The following BAX variants were observed in gnomAD, a reference collection of about 807,000 sequenced individuals.
BAX encodes the protein apoptosis regulator BAX.
A neutral mutation model predicts 26.8 loss-of-function variants in BAX; 21 were observed. That is an observed-to-expected ratio of 0.78 (90% CI 0.56 to 1.13). The LOEUF (loss-of-function observed/expected upper bound fraction) is 1.13. BAX is among the 50% of genes most tolerant of loss of function. BAX has a pLI of 0.00. For missense variants in BAX, 236 were observed against 254.6 expected, an observed-to-expected ratio of 0.93 and a Z score of 0.50; for synonymous variants, 110 against 101.8, an observed-to-expected ratio of 1.08 and a Z score of -0.49.
chr19:48,958,496 C>T (rs2038222354), intron 4 of BAX, among the ~76,000 whole-genome samples: 1 of 150,592 alleles, frequency 6.6e-6, no homozygotes, highest in Admixed American at 6.6e-5. Flanking sequence ...GGATTACAGG[C>T]TCTCCCCACC....
At chr19:48,961,357 G>C in intron 5 of BAX, 175 bp from the exon 6 acceptor site, 7 of 1,274,454 alleles carry the variant, frequency 5.5e-6, no homozygotes, top group Non-Finnish European at 7.4e-6. Flanking sequence ...AAAGTGCTGG[G>C]ATTACAGGTG....
At chr19:48,959,774 C>T (rs142916709) in intron 4 of BAX, among the ~76,000 whole-genome samples, 4 of 149,010 alleles carry the variant, frequency 2.7e-5, no homozygotes, top group Admixed American at 6.8e-5. Context: ...TGCAATGAGC[C>T]GAGACTGCAC....
Position 48,961,409 on chromosome 19 carries a change from G to A in BAX, c.475-123G>A, listed in dbSNP as rs140750622. On this transcript the variant is annotated intron_variant, in intron 5 of 5. Transcript: ENST00000345358. ...GCCTGAGTCCAGCTCTTTAATGCCC[G>A]TTCATCTCAGTCCCCTGCCCGCAAT... 5.8e-4 allele frequency: 674 copies of A among 1,163,540 alleles called. 2 individuals are homozygous for A. The African/African-American group carries it at 8.7e-3, about 15-fold the overall frequency. 72.1% of individuals were successfully genotyped at this position (1,163,540 alleles called of 1,614,324 possible).
chr19:48,955,508 C>A lies in BAX; in HGVS notation c.35-40C>A, dbSNP rs778828909. ...CCACAGTCTCCTGATCCCCTAGAAC[C>A]CAAGAGTCCAGGTACCTCTTCCCTT... is the stretch of plus-strand genomic sequence containing the variant. On this transcript the variant is annotated intron_variant, in intron 1 of 5. Coordinates refer to ENST00000345358, the MANE Select transcript of BAX (RefSeq NM_138761.4). The A allele has an allele frequency of 1.1e-5, 18 of 1,596,044 alleles. No homozygotes were observed. In the Middle Eastern group the frequency reaches 1.9e-3, roughly 168 times the overall value.
intron 4 of BAX, among the ~76,000 whole-genome samples, chr19:48,959,527 A>G (rs1345085359): frequency 6.8e-6 from 1 of 148,126 alleles, no homozygotes; most frequent in South Asian, 2.2e-4. Context: ...AAAAAAAAAA[A>G]AATGGGGCTG....
chr19:48,961,002 G>A (rs747429913), intron 5 of BAX, 88 bp downstream of exon 5: 5 of 1,612,816 alleles, frequency 3.1e-6, no homozygotes, highest in African/African-American at 1.3e-5. Flanking sequence ...CACTCCTCTG[G>A]GACCCTGGGC....
chr19:48,954,953 AGAGGCGGGGGT>A lies in BAX; in HGVS notation c.34_34+10del, dbSNP rs1191268789. The A allele has an allele frequency of 2.4e-6, 3 of 1,243,204 alleles. No homozygotes were observed. The highest frequency in any genetic ancestry group is 2.0e-6 in the Non-Finnish European group (2 of 992,074). The allele number at this position is 1,243,204 out of a possible 1,614,324, so 77.0% of individuals were successfully genotyped here. On this transcript the variant is annotated splice_donor_variant and coding_sequence_variant, in exon 1 of 6. Transcript: ENST00000345358. LOFTEE classifies it high-confidence loss of function. Reference sequence around the variant, plus strand: ...GATGGACGGGTCCGGGGAGCAGCCCAGAGGCGGGGGTGAGGCGGGAGGCAGACGGGCGGGAG... The same window carrying A: ...GATGGACGGGTCCGGGGAGCAGCCCAGAGGCGGGAGGCAGACGGGCGGGAG...
intron 4 of BAX, among the ~76,000 whole-genome samples, chr19:48,957,066 G>C (rs899948063): frequency 6.7e-6 from 1 of 150,120 alleles, no homozygotes; most frequent in African/African-American, 2.4e-5. Context: ...TATAGTGATC[G>C]GGGGGAAGAG....
chr19:48,958,987 A>G (rs561582244), intron 4 of BAX, among the ~76,000 whole-genome samples: 2 of 152,246 alleles, frequency 1.3e-5, no homozygotes, highest in African/African-American at 4.8e-5. Flanking sequence ...TAAAGGCTGC[A>G]GGAGAAGTCT....
intron 4 of BAX, among the ~76,000 whole-genome samples, chr19:48,957,297 C>T (rs1372771619): frequency 1.7e-5 from 1 of 58,716 alleles, no homozygotes; most frequent in African/African-American, 5.8e-5. Context: ...TTTTTTGAGA[C>T]AGAGTCTCAC....
rs142916709 is a variant in BAX at position 48,959,774 on chromosome 19, C to G, written c.370-1036C>G. ...CTGGGAGGCGGAGGTTGCAATGAGC[C>G]GAGACTGCACTATTGTACTCCAGCC... On this transcript the variant is annotated intron_variant, in intron 4 of 5. Transcript: ENST00000345358. Among the ~76,000 whole-genome samples the G allele has an allele frequency of 9.9e-3, 1,470 of 149,112 alleles. 22 individuals carry two copies. The highest frequency in any genetic ancestry group is 0.034 in the African/African-American group (1,371 of 40,418).
At position 48,956,255 on chromosome 19, in the gene BAX, T is replaced by A; in HGVS notation, c.291T>A (p.Ala97=). 1 of 1,589,672 alleles carries A rather than the reference T, an allele frequency of 6.3e-7. No homozygotes were observed. The highest frequency in any genetic ancestry group is 8.6e-7 in the Non-Finnish European group (1 of 1,168,624). Residue 97 remains alanine, a synonymous_variant, in exon 4 of 6, where the codon GCT becomes GCA. Coordinates refer to ENST00000345358, the MANE Select transcript of BAX (RefSeq NM_138761.4). ...SPREVFFRVA[A]DMFSDGNFNW... ...GAGAGGTCTTTTTCCGAGTGGCAGC[T>A]GACATGTTTTCTGACGGCAACTTCA...
rs552694023 is a variant in BAX at position 48,961,107 on chromosome 19, G to A, written c.474+193G>A. ...TTCCTTACGTGTCTGATCAATCCCC[G>A]ATTCATCTACCCTGCTGACCTCCCA... On this transcript the variant is annotated intron_variant, in intron 5 of 5. Coordinates refer to ENST00000345358, the MANE Select transcript of BAX (RefSeq NM_138761.4). 250 of 1,571,724 alleles carry A rather than the reference G, an allele frequency of 1.6e-4. 3 individuals are homozygous for A. In the South Asian group the frequency reaches 1.9e-3, roughly 12 times the overall value.
Position 48,955,744 on chromosome 19 carries a change from C to G in BAX, c.144C>G (p.Asp48Glu). 1 of 1,613,454 alleles carries G rather than the reference C, an allele frequency of 6.2e-7. No homozygotes were observed. The highest frequency in any genetic ancestry group is 8.5e-7 in the Non-Finnish European group (1 of 1,179,716). Reference protein sequence around the residue: ...MGGEAPELALDPVPQDASTKK... With the variant: ...MGGEAPELALEPVPQDASTKK... ...GGGAGGCACCCGAGCTGGCCCTGGA[C>G]CCGGTGCCTCAGGATGCGTCCACCA... The change falls in exon 3 of 6, where the codon GAC (aspartate) becomes GAG (glutamate). Residue 48 changes from aspartate to glutamate, a missense_variant. By Grantham distance (45) the Asp-to-Glu change is conservative (BLOSUM62 2). Coordinates refer to ENST00000345358, the MANE Select transcript of BAX (RefSeq NM_138761.4).
Position 48,961,697 on chromosome 19 carries a change from G to T in BAX, c.*61G>T. On this transcript the variant is annotated 3_prime_UTR_variant, in exon 6 of 6. Transcript: ENST00000345358. ...TAAATTATGGCATTTTTCTGGGAGG[G>T]GTGGGGATTGGGGGACGTGGGCATT... 1 of 1,398,260 alleles carries T rather than the reference G, an allele frequency of 7.2e-7. No individual in the cohort carries two copies. Among genetic ancestry groups the T allele is most frequent in the African/African-American group, 1.4e-5 (1 of 69,788 alleles). 86.6% of individuals were successfully genotyped at this position (1,398,260 alleles called of 1,614,324 possible). A position where few individuals can be genotyped will look rare whatever the true frequency, so the allele number is the denominator to read the frequency against.
At chr19:48,960,455 C>G (rs758040434) in intron 4 of BAX, 8 of 330,870 alleles carry the variant, frequency 2.4e-5, no homozygotes, top group Admixed American at 4.2e-5. Flanking sequence ...CCTCCGCCTC[C>G]CGGGTTCAAG....
chr19:48,960,944 C>T (rs1215057004), intron 5 of BAX, 30 bp downstream of exon 5: 2 of 1,613,374 alleles, frequency 1.2e-6, no homozygotes, highest in Admixed American at 1.7e-5. Flanking sequence ...CTCACCCCCA[C>T]CACCGCGCCC....
At chr19:48,960,722 C>T (rs1323705211) in intron 4 of BAX, 88 bp from the exon 5 acceptor site, 1 of 1,172,588 alleles carries the variant, frequency 8.5e-7, no homozygotes, top group Non-Finnish European at 1.2e-6. Context: ...TGAGGGGAGG[C>T]AAAGAATTGA....
intron 4 of BAX, among the ~76,000 whole-genome samples, chr19:48,957,182 G>T (rs1481578716): frequency 2.7e-5 from 4 of 150,454 alleles, no homozygotes; most frequent in Non-Finnish European, 1.5e-5. Context: ...AGTGAACTGG[G>T]GAGAGGGTGG....
Sources: allele counts gnomAD v4.1 joint callset (sites outside exome capture counted in the v4.1 genomes callset), GRCh38; gene constraint gnomAD v4.1.1; transcripts MANE v1.5; gene names NCBI Gene and HGNC (gene_info 2026-07-23, HGNC 2026-07-21).